The following ABHD18 variants were observed in gnomAD, a reference collection of about 807,000 sequenced individuals.
The protein encoded by ABHD18 is abhydrolase domain containing 18.
ABHD18 carries 55 observed loss-of-function variants against 65.9 expected under a neutral mutation model. The ratio of observed to expected loss-of-function variants is 0.84; its 90% CI spans 0.67 to 1.05. The LOEUF (loss-of-function observed/expected upper bound fraction) is 1.05. Ranked by LOEUF, ABHD18 falls within the 50% of genes least tolerant of loss-of-function variation. ABHD18 has a pLI of 0.00. For missense variants in ABHD18, 533 were observed against 558.5 expected (o/e 0.95, Z 0.46); for synonymous variants, 181 against 180.2 (o/e 1.00, Z -0.04).
chr4:127,987,501 G>C (rs1005736625), intron 3 of ABHD18, among the ~76,000 whole-genome samples: 1 of 152,082 alleles, frequency 6.6e-6, no homozygotes, highest in African/African-American at 2.4e-5. Flanking sequence ...CTTGAGGTCA[G>C]AAGTTCGAGA....
intron 3 of ABHD18, among the ~76,000 whole-genome samples, chr4:127,986,087 A>G (rs551380584): frequency 6.6e-6 from 1 of 152,330 alleles, no homozygotes; most frequent in South Asian, 2.1e-4. Flanking sequence ...TATATTACCA[A>G]GATGTGCAGC....
Position 127,989,839 on chromosome 4 carries a change from C to A in ABHD18, c.278+18C>A. 4 of 1,423,556 alleles carry A rather than the reference C, an allele frequency of 2.8e-6. No individual in the cohort carries two copies. The highest frequency in any genetic ancestry group is 2.7e-5 in the South Asian group (2 of 74,462). 88.2% of individuals were successfully genotyped at this position (1,423,556 alleles called of 1,614,324 possible). A position where few individuals can be genotyped will look rare whatever the true frequency, so the allele number is the denominator to read the frequency against. ...ATTGCAAGGTAAGAATTTTTTTGTT[C>A]AAAAAGATGAATACATTATTTATGT... On this transcript the variant is annotated intron_variant, in intron 4 of 12. Transcript: ENST00000645843.
chr4:128,033,905 A>G (rs1409288589), intron 12 of ABHD18, among the ~76,000 whole-genome samples: 2 of 151,476 alleles, frequency 1.3e-5, no homozygotes, highest in African/African-American at 4.9e-5. Context: ...TACAAAATTA[A>G]TATCTGATAG....
chr4:127,996,285 A>G (rs962252311), intron 4 of ABHD18, among the ~76,000 whole-genome samples: 3 of 152,104 alleles, frequency 2.0e-5, no homozygotes, highest in African/African-American at 7.2e-5. Flanking sequence ...CATACATTCT[A>G]TTTTCCCTAA....
chr4:128,021,262 A>G (rs1307808913), intron 10 of ABHD18, 24 bp downstream of exon 10: 4 of 1,314,094 alleles, frequency 3.0e-6, no homozygotes, highest in East Asian at 2.5e-5. Context: ...TTTCCACCCA[A>G]CATTGGTGGT....
At chr4:127,980,107 C>G (rs368253717) in intron 1 of ABHD18, among the ~76,000 whole-genome samples, 19 of 152,162 alleles carry the variant, frequency 1.2e-4, no homozygotes, top group Middle Eastern at 3.4e-3. Context: ...AACATAATCC[C>G]CAATGCAATA....
At chr4:127,997,580 T>C (rs986103875) in intron 4 of ABHD18, among the ~76,000 whole-genome samples, 3 of 152,216 alleles carry the variant, frequency 2.0e-5, no homozygotes, top group African/African-American at 7.2e-5. Flanking sequence ...CAAAAAGCTA[T>C]GTATTTGCCT....
chr4:127,985,946 C>T lies in ABHD18; in HGVS notation c.177+1523C>T, dbSNP rs146817501. ...AGGAGAATTGCTTGAACCCAGGATGCGGAGGTTGCAGTGAACCAAGATCGC... is the reference window on the plus strand; with the variant it reads ...AGGAGAATTGCTTGAACCCAGGATGTGGAGGTTGCAGTGAACCAAGATCGC... On this transcript the variant is annotated intron_variant, in intron 3 of 12. Transcript: ENST00000645843. Among the ~76,000 whole-genome samples the T allele has an allele frequency of 8.7e-3, 1,329 of 152,124 alleles. 23 individuals carry two copies. Among genetic ancestry groups the T allele is most frequent in the African/African-American group, 0.03 (1,237 of 41,500 alleles).
intron 1 of ABHD18, among the ~76,000 whole-genome samples, chr4:127,979,506 G>C (rs1265005036): frequency 6.6e-6 from 1 of 152,202 alleles, no homozygotes; most frequent in Non-Finnish European, 1.5e-5. Context: ...AGTGAGCTGA[G>C]ATTGCGCCAC....
intron 6 of ABHD18, among the ~76,000 whole-genome samples, chr4:128,010,903 T>TC (rs1404418767): frequency 3.2e-5 from 3 of 93,096 alleles, no homozygotes; most frequent in Non-Finnish European, 5.6e-5. Flanking sequence ...AGACTGCGCC[T>TC]CAAAAAAAAA....
intron 7 of ABHD18, 110 bp downstream of exon 7, chr4:128,011,810 TGG>T (rs143560884): frequency 1.5e-4 from 38 of 248,752 alleles, no homozygotes; most frequent in Middle Eastern, 5.8e-4. Flanking sequence ...CTAAATATTA[TGG>T]GGGGGGGGAG....
At position 128,022,630 on chromosome 4, in the gene ABHD18, A is replaced by G. The variant is rs55996447; in HGVS notation, c.801+1392A>G. 4.2e-3 allele frequency among the ~76,000 whole-genome samples: 646 copies of G among 152,188 alleles called. 5 individuals are homozygous for G. Among genetic ancestry groups the G allele is most frequent in the African/African-American group, 0.015 (616 of 41,514 alleles). On this transcript the variant is annotated intron_variant, in intron 10 of 12. Transcript: ENST00000645843. ...TTTTATAGGGAGACACTTACCTCAT[A>G]TATTATTTAGTTACATGGTAGTTCA... is the stretch of plus-strand genomic sequence containing the variant.
In ABHD18 at chr4:128,039,183, AT is replaced by A. The variant is rs1407088448; in HGVS notation, c.*3371del. On this transcript the variant is annotated 3_prime_UTR_variant, in exon 13 of 13. Transcript: ENST00000645843. ...TATATATATATATATATATATATATATAATCTCAAAGAAGTGCGGTCTGCCA... is the reference window on the plus strand; with the variant it reads ...TATATATATATATATATATATATATAAATCTCAAAGAAGTGCGGTCTGCCA... 7.1e-5 allele frequency: 9 copies of A among 127,624 alleles called. No individual in the cohort carries two copies. Among genetic ancestry groups the A allele is most frequent in the South Asian group, 2.5e-4 (1 of 3,996 alleles). The allele number at this position is 127,624 out of a possible 1,614,324, so 7.9% of individuals were successfully genotyped here. A position where few individuals can be genotyped will look rare whatever the true frequency, so the allele number is the denominator to read the frequency against.
intron 10 of ABHD18, among the ~76,000 whole-genome samples, chr4:128,024,603 CAT>C (rs1359225158): frequency 6.6e-6 from 1 of 152,160 alleles, no homozygotes; most frequent in African/African-American, 2.4e-5. Context: ...TTTACATTTC[CAT>C]ATGTTACTAA....
At chr4:128,009,793 G>T (rs1479563705) in intron 6 of ABHD18, among the ~76,000 whole-genome samples, 1 of 152,042 alleles carries the variant, frequency 6.6e-6, no homozygotes, top group Non-Finnish European at 1.5e-5. Context: ...CATATCCCTT[G>T]ACAAAATGAT....
chr4:127,970,537 C>T lies in ABHD18; in HGVS notation c.-18+4931C>T, dbSNP rs529392050. Among the ~76,000 whole-genome samples, 133 of 142,850 alleles carry T rather than the reference C, an allele frequency of 9.3e-4. 2 individuals are homozygous for T. The highest frequency in any genetic ancestry group is 3.2e-3 in the African/African-American group (123 of 38,012). 93.7% of individuals were successfully genotyped at this position (142,850 alleles called of 152,430 possible). On this transcript the variant is annotated intron_variant, in intron 1 of 12. Transcript: ENST00000645843. ...CCGGGAGACGGAGGTTGTGGTGAGC[C>T]GAGATCGCACCATTGCAATCCAGCC...
rs2276900 is a variant in ABHD18, at chr4:127,965,423, T to C, written c.-201T>C. ...GCGTGTCCAAACTGCCGCGCCGCCC[T>C]GCTCCGGGTTTGTCTTCCTCCCTCC... On this transcript the variant is annotated 5_prime_UTR_variant, in exon 1 of 13. Coordinates refer to ENST00000645843, the MANE Select transcript of ABHD18 (RefSeq NM_001358451.3). The C allele has an allele frequency of 0.056, 31,143 of 556,232 alleles. 2,668 individuals carry two copies. Among genetic ancestry groups the C allele is most frequent in the East Asian group, 0.3 (9,750 of 32,680 alleles). 34.5% of individuals were successfully genotyped at this position (556,232 alleles called of 1,614,324 possible).
At chr4:127,996,454 T>C (rs1751752342) in intron 4 of ABHD18, among the ~76,000 whole-genome samples, 1 of 150,224 alleles carries the variant, frequency 6.7e-6, no homozygotes, top group Non-Finnish European at 1.5e-5. Flanking sequence ...GGGGAGGGGG[T>C]GTACGAACAG....
At chr4:128,002,675 G>A (rs1016534565) in intron 4 of ABHD18, among the ~76,000 whole-genome samples, 9 of 151,962 alleles carry the variant, frequency 5.9e-5, no homozygotes, top group Admixed American at 6.6e-5. Flanking sequence ...ACAGAGTCTC[G>A]CTCTGTCACC....
Sources: allele counts gnomAD v4.1 joint callset (sites outside exome capture counted in the v4.1 genomes callset), GRCh38; gene constraint gnomAD v4.1.1; transcripts MANE v1.5; gene names NCBI Gene and HGNC (gene_info 2026-07-23, HGNC 2026-07-21).